The following TIMELESS variants were observed in gnomAD, a reference collection of about 807,000 sequenced individuals.
The protein encoded by TIMELESS is protein timeless homolog.
In TIMELESS, 124 loss-of-function variants were observed where a neutral mutation model predicts 164.3. The observed-to-expected ratio is 0.75, with a 90% CI of 0.65 to 0.88. The LOEUF (loss-of-function observed/expected upper bound fraction) is 0.88. TIMELESS is among the 40% of genes least tolerant of loss of function. The probability of loss-of-function intolerance (pLI) is 0.00; values close to 1 mark genes in which losing one functional copy is unlikely to be tolerated. For missense variants in TIMELESS, 1,422 were observed against 1,491.4 expected (o/e 0.95, Z 0.77); for synonymous variants, 564 against 563.4 (o/e 1.00, Z -0.02).
At chr12:56,429,190 G>T in intron 10 of TIMELESS, 90 bp from the exon 11 acceptor site, 1 of 1,229,458 alleles carries the variant, frequency 8.1e-7, no homozygotes, top group Non-Finnish European at 1.1e-6. Context: ...AATGGATGCT[G>T]GACACCGTCA....
In TIMELESS at chr12:56,423,723, G is replaced by A. The variant is rs1376532314; in HGVS notation, c.1967-16C>T. ...CCCTGCTGCCCTATAGACAGAGGGAGGATTACTGAGTCTCTGTTATGTTGG... is the reference window on the plus strand; with the variant it reads ...CCCTGCTGCCCTATAGACAGAGGGAAGATTACTGAGTCTCTGTTATGTTGG... On this transcript the variant is annotated splice_polypyrimidine_tract_variant and intron_variant, in intron 16 of 28. Transcript: ENST00000553532. 1.2e-6 allele frequency: 2 copies of A among 1,614,116 alleles called. No homozygotes were observed. Among genetic ancestry groups the A allele is most frequent in the Admixed American group, 1.7e-5 (1 of 60,012 alleles).
In TIMELESS at chr12:56,423,624, C is replaced by T. The variant is rs1227120472; in HGVS notation, c.2050G>A (p.Val684Met). The change falls in exon 17 of 29, where the codon GTG becomes ATG. Residue 684 changes from valine (V) to methionine (M), a missense_variant. Coordinates refer to ENST00000553532, the MANE Select transcript of TIMELESS (RefSeq NM_003920.5). Reference protein sequence around the residue: ...EEEEELQVVQVSEKEFNFLDY... With the variant: ...EEEEELQVVQMSEKEFNFLDY... ...AGAAAATTAAATTCTTTCTCCGACA[C>T]CTGGACCACTTGCAACTCCTCCTCT... is the stretch of plus-strand genomic sequence containing the variant. 5 of 1,614,182 alleles carry T rather than the reference C, an allele frequency of 3.1e-6. No individual in the cohort carries two copies. The highest frequency in any genetic ancestry group is 4.2e-6 in the Non-Finnish European group (5 of 1,180,050).
In TIMELESS at chr12:56,431,597, T is replaced by C; in HGVS notation, c.695A>G (p.Glu232Gly). The C allele has an allele frequency of 6.2e-7, 1 of 1,611,716 alleles. No homozygotes were observed. The highest frequency in any genetic ancestry group is 1.1e-5 in the South Asian group (1 of 90,894). The change falls in exon 8 of 29, where the codon GAG (glutamate) becomes GGG (glycine). Residue 232 changes from glutamate to glycine, a missense_variant. Transcript: ENST00000553532. ...TCCCTGCCCTACTCCCGCCAGCTGC[T>C]CGGGGTTCTAGATTGGAACAAAGAG... ...VSLMFRDQNPEQLAGVGQGRL... is the reference protein window; with the variant it reads ...VSLMFRDQNPGQLAGVGQGRL...
chr12:56,429,997 C>A (rs1001455535), intron 10 of TIMELESS, 108 bp downstream of exon 10: 2 of 1,117,074 alleles, frequency 1.8e-6, no homozygotes, highest in African/African-American at 3.2e-5. Context: ...AGTCCACATT[C>A]CAGGGGCAGC....
At position 56,417,618 on chromosome 12, in the gene TIMELESS, G is replaced by A; in HGVS notation, c.*98C>T. ...GCCTGGGATTCTACTGCTCTGTCCAGTAAGAGGAGCTTCTGGGTCCTGTAT... is the reference window on the plus strand; with the variant it reads ...GCCTGGGATTCTACTGCTCTGTCCAATAAGAGGAGCTTCTGGGTCCTGTAT... On this transcript the variant is annotated 3_prime_UTR_variant, in exon 29 of 29. Transcript: ENST00000553532. 1.7e-6 allele frequency: 2 copies of A among 1,204,964 alleles called. No individual in the cohort carries two copies. The highest frequency in any genetic ancestry group is 2.5e-6 in the Non-Finnish European group (2 of 814,186). The allele number at this position is 1,204,964 out of a possible 1,614,324, so 74.6% of individuals were successfully genotyped here.
At position 56,416,394 on chromosome 12, in the gene TIMELESS, G is replaced by A. The variant is rs536815136; in HGVS notation, c.*1322C>T. On this transcript the variant is annotated 3_prime_UTR_variant, in exon 29 of 29. Transcript: ENST00000553532. ...GCAATCCAAATCCATCCTTTACTTA[G>A]AAGCCTTCCTGAGCTGAATGGCTAT... The A allele has an allele frequency of 2.0e-5, 3 of 152,320 alleles. No individual in the cohort carries two copies. The South Asian group carries it at 6.2e-4, about 32-fold the overall frequency. 9.4% of individuals were successfully genotyped at this position (152,320 alleles called of 1,614,324 possible).
At chr12:56,433,303 T>A in intron 5 of TIMELESS, 78 bp downstream of exon 5, 1 of 1,523,836 alleles carries the variant, frequency 6.6e-7, no homozygotes, top group South Asian at 1.1e-5. Context: ...TGGGACCATA[T>A]CTCAGCATCT....
At position 56,433,692 on chromosome 12, in the gene TIMELESS, T is replaced by C. The variant is rs746378484; in HGVS notation, c.252-40A>G. 3.7e-6 allele frequency: 6 copies of C among 1,613,752 alleles called. No homozygotes were observed. In the East Asian group the frequency reaches 1.3e-4, roughly 36 times the overall value. On this transcript the variant is annotated intron_variant, in intron 3 of 28. Coordinates refer to ENST00000553532, the MANE Select transcript of TIMELESS (RefSeq NM_003920.5). ...AGGAGGGAGAAGTTGTTAAGTTTCT[T>C]TACCAGCTCAAACGCCAAACCTATC... is the stretch of plus-strand genomic sequence containing the variant.
At chr12:56,424,719 C>A in intron 15 of TIMELESS, 43 bp downstream of exon 15, 1 of 1,600,150 alleles carries the variant, frequency 6.2e-7, no homozygotes, top group Non-Finnish European at 8.5e-7. Flanking sequence ...ATGGCCTCCT[C>A]CTTCCCCCAA....
At chr12:56,439,788 C>T (rs527823061) in intron 1 of TIMELESS, among the ~76,000 whole-genome samples, 26 of 152,276 alleles carry the variant, frequency 1.7e-4, no homozygotes, top group South Asian at 1.7e-3. Flanking sequence ...AATTACTATA[C>T]GCATTCTGTT....
Position 56,430,908 on chromosome 12 carries a change from G to T in TIMELESS, c.882C>A (p.Asp294Glu). Residue 294 changes from aspartate to glutamate, a missense_variant, in exon 9 of 29, where the codon GAC becomes GAA. Asp to Glu is a conservative substitution (Grantham distance 45). Coordinates refer to ENST00000553532, the MANE Select transcript of TIMELESS (RefSeq NM_003920.5). The stretch of plus-strand genomic sequence containing the variant: ...TGTGAAGGCCTTTGTGAAAGATGAG[G>T]TCCCTCTCCCCAATGGATTTCAACC... ...VQGLKSIGER[D>E]LIFHKGLHNL... 7.5e-6 allele frequency: 12 copies of T among 1,604,226 alleles called. No individual in the cohort carries two copies. Among genetic ancestry groups the T allele is most frequent in the Non-Finnish European group, 1.0e-5 (12 of 1,175,674 alleles).
Position 56,421,026 on chromosome 12 carries a change from C to T in TIMELESS, c.2977G>A (p.Glu993Lys). Residue 993 changes from glutamate (E) to lysine (K), a missense_variant, in exon 24 of 29, where the codon GAA (glutamate) becomes AAA (lysine). By Grantham distance (56) the Glu-to-Lys change is moderately conservative. Coordinates refer to ENST00000553532, the MANE Select transcript of TIMELESS (RefSeq NM_003920.5). ...AGGACTAAGCTACCCTGGACTTGTT[C>T]TGCTTCTGAGCCCCCTTCTTCTTCC... ...EEEEEGGSEAEQVQGSLVLSN... is the reference protein window; with the variant it reads ...EEEEEGGSEAKQVQGSLVLSN... 2 of 1,614,226 alleles carry T rather than the reference C, an allele frequency of 1.2e-6. No homozygotes were observed. The highest frequency in any genetic ancestry group is 1.7e-6 in the Non-Finnish European group (2 of 1,180,042).
In TIMELESS at chr12:56,421,770, C is replaced by A; in HGVS notation, c.2682G>T (p.Glu894Asp). The part of the protein sequence containing the change: ...THIVLWTGDQ[E>D]LELQRLFEEF... ...CCTCAAAAAGCCGCTGCAGCTCCAA[C>A]TCCTGATCCCCCGTCCACAGTACAA... Residue 894 changes from glutamate to aspartate, a missense_variant, in exon 22 of 29, where the codon GAG becomes GAT. Transcript: ENST00000553532. The A allele has an allele frequency of 6.2e-7, 1 of 1,614,238 alleles. No individual in the cohort carries two copies.
chr12:56,438,176 G>C (rs1882131666), intron 1 of TIMELESS, among the ~76,000 whole-genome samples: 1 of 152,072 alleles, frequency 6.6e-6, no homozygotes, highest in African/African-American at 2.4e-5. Context: ...GTCCCAAGTA[G>C]CTGGGATTAC....
At chr12:56,422,818 C>T in intron 19 of TIMELESS, 29 bp downstream of exon 19, 4 of 1,537,784 alleles carry the variant, frequency 2.6e-6, no homozygotes, top group African/African-American at 1.4e-5. Flanking sequence ...CCCCTACCCC[C>T]ACCCACCCTT....
rs1881290939 is a variant in TIMELESS at position 56,417,209 on chromosome 12, A to C, written c.*507T>G. On this transcript the variant is annotated 3_prime_UTR_variant, in exon 29 of 29. Coordinates refer to ENST00000553532, the MANE Select transcript of TIMELESS (RefSeq NM_003920.5). ...AGTACTATATTCCAACCCTATCTCA[A>C]ATGCAGGAATGGGCCTCTATCTGGT... 6.2e-6 allele frequency: 1 copy of C among 162,412 alleles called. No homozygotes were observed. Among genetic ancestry groups the C allele is most frequent in the Non-Finnish European group, 1.4e-5 (1 of 73,344 alleles). 10.1% of individuals were successfully genotyped at this position (162,412 alleles called of 1,614,324 possible).
At chr12:56,419,587 C>T (rs146002067) in intron 26 of TIMELESS, among the ~76,000 whole-genome samples, 28 of 151,470 alleles carry the variant, frequency 1.8e-4, no homozygotes, top group African/African-American at 3.1e-4. Context: ...GATGTAAAGT[C>T]GGTGTGTGAG....
Position 56,424,805 on chromosome 12 carries a change from C to G in TIMELESS, c.1825G>C (p.Ala609Pro), listed in dbSNP as rs745434401. Residue 609 changes from alanine (A) to proline (P), a missense_variant, in exon 15 of 29, where the codon GCT becomes CCT. Ala to Pro is a conservative substitution (Grantham distance 27, BLOSUM62 -1). Coordinates refer to ENST00000553532, the MANE Select transcript of TIMELESS (RefSeq NM_003920.5). The stretch of plus-strand genomic sequence containing the variant: ...GTCAGGGCCTGTGGGGCCTGGCCAG[C>G]CAGGAGACAGTCTTGGATCCGTACC... The part of the protein sequence containing the change: ...AMVRIQDCLL[A>P]GQAPQALTLL... The G allele has an allele frequency of 6.2e-7, 1 of 1,614,190 alleles. No individual in the cohort carries two copies.
intron 16 of TIMELESS, 33 bp downstream of exon 16, chr12:56,423,764 G>A (rs1207892151): frequency 3.1e-6 from 5 of 1,614,134 alleles, no homozygotes; most frequent in East Asian, 2.2e-5. Flanking sequence ...GAAAAGAGCT[G>A]GAAGGAGACA....
Sources: allele counts gnomAD v4.1 joint callset (sites outside exome capture counted in the v4.1 genomes callset), GRCh38; gene constraint gnomAD v4.1.1; transcripts MANE v1.5; gene names NCBI Gene and HGNC (gene_info 2026-07-23, HGNC 2026-07-21).